The following KLKB1 variants were observed in gnomAD, a reference collection of about 807,000 sequenced individuals.
KLKB1 encodes kallikrein B1.
Under a neutral mutation model 73.6 loss-of-function variants are expected in KLKB1, and 58 were observed. The observed-to-expected ratio is 0.79, with a 90% CI of 0.64 to 0.98. The LOEUF (loss-of-function observed/expected upper bound fraction) is 0.98. Ranked by LOEUF, KLKB1 falls within the 50% of genes least tolerant of loss-of-function variation. KLKB1 has a pLI of 0.00. For missense variants in KLKB1, 737 were observed against 763.8 expected, an observed-to-expected ratio of 0.96 and a Z score of 0.41; for synonymous variants, 280 against 258.1, an observed-to-expected ratio of 1.08 and a Z score of -0.81.
chr4:186,247,182 A>C (rs1472208634), intron 6 of KLKB1, among the ~76,000 whole-genome samples: 1 of 152,180 alleles, frequency 6.6e-6, no homozygotes, highest in African/African-American at 2.4e-5. Context: ...TTGATTTCCC[A>C]AGGGAGGTCC....
intron 7 of KLKB1, 105 bp downstream of exon 7, chr4:186,250,507 C>T (rs1205146592): frequency 9.8e-6 from 13 of 1,333,044 alleles, no homozygotes; most frequent in Non-Finnish European, 1.4e-5. Flanking sequence ...AAGTTTCGTT[C>T]ATTTCCCTCA....
At chr4:186,247,727 GT>G (rs980780338) in intron 6 of KLKB1, among the ~76,000 whole-genome samples, 1 of 152,184 alleles carries the variant, frequency 6.6e-6, no homozygotes, top group Non-Finnish European at 1.5e-5. Context: ...TAATTCTTAT[GT>G]ATATAAATAA....
chr4:186,235,911 C>G lies in KLKB1; in HGVS notation c.329-870C>G, dbSNP rs563156938. On this transcript the variant is annotated intron_variant, in intron 4 of 14. Transcript: ENST00000264690. ...CGGGCGGATCACGAGGTCAGGAGAT[C>G]GAGACCATCCTGGCTGACACGGTGA... 5.3e-5 allele frequency among the ~76,000 whole-genome samples: 8 copies of G among 151,626 alleles called. No homozygotes were observed. The South Asian group carries it at 1.7e-3, about 32-fold the overall frequency.
Position 186,256,034 on chromosome 4 carries a change from G to A in KLKB1, c.1532G>A (p.Ser511Asn), listed in dbSNP as rs780038795. 5.0e-6 allele frequency: 8 copies of A among 1,613,180 alleles called. No homozygotes were observed. The Admixed American group carries it at 5.0e-5, about 10-fold the overall frequency. The change falls in exon 13 of 15, where the codon AGC (serine) becomes AAC (asparagine). Residue 511 changes from serine to asparagine, a missense_variant. Coordinates refer to ENST00000264690, the MANE Select transcript of KLKB1 (RefSeq NM_000892.5). ...TGCCTACCTTCCAAAGGTGACACAAGCACAATTTATACCAACTGTTGGGTA... is the reference window on the plus strand; with the variant it reads ...TGCCTACCTTCCAAAGGTGACACAAACACAATTTATACCAACTGTTGGGTA... ...PICLPSKGDT[S>N]TIYTNCWVTG... is the part of the protein sequence containing the mutation.
chr4:186,211,919 A>T (rs1736735880), intron 2 of KLKB1: 1 of 152,152 alleles, frequency 6.6e-6, no homozygotes, highest in South Asian at 2.1e-4. Flanking sequence ...ATAGAATCCC[A>T]GTCACCTTTA....
intron 2 of KLKB1, among the ~76,000 whole-genome samples, chr4:186,229,853 A>G (rs1210512888): frequency 6.6e-6 from 1 of 152,144 alleles, no homozygotes; most frequent in Non-Finnish European, 1.5e-5. Context: ...CAGAAAGTGC[A>G]CACATCCTCC....
At chr4:186,224,187 G>A (rs747949195), upstream of KLKB1, among the ~76,000 whole-genome samples, 29 of 152,388 alleles carry the variant, frequency 1.9e-4, no homozygotes, top group Non-Finnish European at 3.8e-4. Context: ...GCAGAAGCCT[G>A]CTGCAGGGAC....
At chr4:186,214,793 C>A (rs1213938337) in intron 2 of KLKB1, among the ~76,000 whole-genome samples, 1 of 152,170 alleles carries the variant, frequency 6.6e-6, no homozygotes, top group Non-Finnish European at 1.5e-5. Context: ...TGCATCCTTG[C>A]CTCAGTTTCT....
intron 6 of KLKB1, among the ~76,000 whole-genome samples, chr4:186,249,075 TA>T (rs1738534130): frequency 6.6e-6 from 1 of 152,220 alleles, no homozygotes; most frequent in Admixed American, 6.5e-5. Flanking sequence ...ACTACACTCT[TA>T]TGACATATAT....
chr4:186,232,830 GGT>G (rs950298632), intron 3 of KLKB1, among the ~76,000 whole-genome samples: 3 of 151,958 alleles, frequency 2.0e-5, no homozygotes, highest in Admixed American at 6.6e-5. Context: ...TGCTATGTAT[GGT>G]GTGTGTGTGT....
chr4:186,213,160 A>G (rs1008997922), intron 2 of KLKB1: 3 of 152,178 alleles, frequency 2.0e-5, no homozygotes, highest in Non-Finnish European at 4.4e-5. Flanking sequence ...ATTGTTACTC[A>G]TATTTTAATC....
chr4:186,256,192 C>A, intron 13 of KLKB1, 105 bp downstream of exon 13: 1 of 735,870 alleles, frequency 1.4e-6, no homozygotes, highest in Non-Finnish European at 2.5e-6. Context: ...TATCTAAACT[C>A]TTTATCTTTC....
intron 11 of KLKB1, 140 bp downstream of exon 11, chr4:186,252,325 A>T: frequency 1.1e-6 from 1 of 949,766 alleles, no homozygotes; most frequent in Non-Finnish European, 1.6e-6. Flanking sequence ...CATTTAACTT[A>T]TAGGGTCCAA....
In KLKB1 at chr4:186,257,794, T is replaced by C. The variant is rs914154193; in HGVS notation, c.1726-227T>C. 2.0e-5 allele frequency among the ~76,000 whole-genome samples: 3 copies of C among 149,764 alleles called. No individual in the cohort carries two copies. The Admixed American group carries it at 2.0e-4, about 10-fold the overall frequency. On this transcript the variant is annotated intron_variant, in intron 14 of 14. Coordinates refer to ENST00000264690, the MANE Select transcript of KLKB1 (RefSeq NM_000892.5). ...GTGTGTGTGTGTCTGGCAAGCAAGG[T>C]CTTGCACACACACAGCACTTTGGGA...
chr4:186,229,939 T>TG (rs1038977076), intron 2 of KLKB1, among the ~76,000 whole-genome samples: 5 of 152,262 alleles, frequency 3.3e-5, no homozygotes, highest in African/African-American at 1.2e-4. Context: ...AAGACTCTTA[T>TG]GTTTTTTTTT....
chr4:186,257,020 T>C (rs934081932), intron 13 of KLKB1, among the ~76,000 whole-genome samples: 4 of 152,024 alleles, frequency 2.6e-5, no homozygotes, highest in South Asian at 2.1e-4. Context: ...TGTGTGTGTG[T>C]GTGTAACACT....
At position 186,245,824 on chromosome 4, in the gene KLKB1, G is replaced by GTTTTTTTTTTTTTTTTTTT. The variant is rs1402408736; in HGVS notation, c.599-4407_599-4406insTTTTTTTTTTTTTTTTTTT. ...GGAGTTTTTTTTTGTTTGTTTTTTG[G>GTTTTTTTTTTTTTTTTTTT]TTTTTTTTTTTTAATGTCAGGAGCT... On this transcript the variant is annotated intron_variant, in intron 6 of 14. Coordinates refer to ENST00000264690, the MANE Select transcript of KLKB1 (RefSeq NM_000892.5). Among the ~76,000 whole-genome samples the GTTTTTTTTTTTTTTTTTTT allele has an allele frequency of 2.1e-4, 23 of 110,026 alleles. 1 individual carries two copies. The highest frequency in any genetic ancestry group is 1.2e-3 in the East Asian group (4 of 3,372). The allele number at this position is 110,026 out of a possible 152,430, so 72.2% of individuals were successfully genotyped here. A position where few individuals can be genotyped will look rare whatever the true frequency, so the allele number is the denominator to read the frequency against.
intron 2 of KLKB1, among the ~76,000 whole-genome samples, 171 bp from the exon 3 acceptor site, chr4:186,231,956 T>A (rs1012896681): frequency 2.0e-5 from 3 of 152,252 alleles, no homozygotes; most frequent in Non-Finnish European, 4.4e-5. Context: ...AATAACACTA[T>A]ACATTGTTCA....
chr4:186,220,208 C>T (rs1031921810), intron 2 of KLKB1, among the ~76,000 whole-genome samples: 2 of 152,034 alleles, frequency 1.3e-5, no homozygotes, highest in African/African-American at 4.8e-5. Context: ...ATTCCTAGAC[C>T]TGTGAATCCT....
Sources: gnomAD v4.1 joint callset for allele counts (sites outside exome capture counted in the v4.1 genomes callset) on GRCh38, gnomAD v4.1.1 for gene constraint, MANE v1.5 for transcripts, NCBI Gene and HGNC (gene_info 2026-07-23, HGNC 2026-07-21) for gene names.